The following CCDC194 variants were observed in gnomAD, a reference collection of about 807,000 sequenced individuals.
CCDC194 encodes the protein coiled-coil domain containing 194.
Under a neutral mutation model 4.9 loss-of-function variants are expected in CCDC194, and 8 were observed. That is an observed-to-expected ratio of 1.65 (90% CI 0.97 to 2.97). The LOEUF (loss-of-function observed/expected upper bound fraction) is 2.97, where lower values mean the gene tolerates loss of function less well. Among genes scored for constraint, CCDC194 ranks in the 30% most tolerant of loss-of-function variants. CCDC194 has a pLI of 0.00. For synonymous variants in CCDC194, 13 were observed against 17.0 expected (o/e 0.76, Z 0.58); for missense variants, 52 against 43.1 (o/e 1.21, Z -0.58).
chr19:17,391,211 A>G (rs1228064948), exon 3 of CCDC194: 3 of 399,440 alleles, frequency 7.5e-6, no homozygotes, highest in Non-Finnish European at 1.3e-5. Flanking sequence ...CCTCACTCAC[A>G]GGCGTTCGCG....
At position 17,391,257 on chromosome 19, in the gene CCDC194, C is replaced by A. The variant is rs2074653501; in HGVS notation, c.508G>T (p.Glu170Ter). The A allele has an allele frequency of 4.9e-6, 2 of 407,706 alleles. No homozygotes were observed. Among genetic ancestry groups the A allele is most frequent in the Non-Finnish European group, 4.3e-6 (1 of 232,450 alleles). 25.3% of individuals were successfully genotyped at this position (407,706 alleles called of 1,614,324 possible). A position where few individuals can be genotyped will look rare whatever the true frequency, so the allele number is the denominator to read the frequency against. ...TCCCGGGCCGCACAGGCTTCGCCCTCGGCCTCCGCCACGCCTGCGCGCCGC... is the reference window on the plus strand; with the variant it reads ...TCCCGGGCCGCACAGGCTTCGCCCTAGGCCTCCGCCACGCCTGCGCGCCGC... Residue 170 changes from glutamate to a stop codon, truncating the protein, a stop_gained, in exon 3 of 4, where the codon GAG (glutamate) becomes TAG (stop). Coordinates refer to ENST00000636079, the Ensembl canonical transcript of CCDC194. LOFTEE classifies it low-confidence loss of function (END_TRUNC).
intron 2 of CCDC194, 174 bp downstream of exon 2, chr19:17,391,576 G>T (rs780830398): frequency 1.8e-4 from 258 of 1,457,334 alleles, no homozygotes; most frequent in Non-Finnish European, 2.2e-4. Context: ...CATTTGCCTT[G>T]TTTTTGTGAC....
At chr19:17,391,319 G>A in exon 3 of CCDC194, 1 of 426,150 alleles carries the variant, frequency 2.3e-6, no homozygotes, top group Non-Finnish European at 4.1e-6. Context: ...CTCCGTGGCC[G>A]CCGCCTCCCA....
chr19:17,388,847 A>T (rs1475349799), downstream of CCDC194, among the ~76,000 whole-genome samples: 1 of 151,156 alleles, frequency 6.6e-6, no homozygotes, highest in East Asian at 2.0e-4. Context: ...TTTCATGTTT[A>T]ATTTTTGAGA....
chr19:17,387,657 G>C (rs2074640482), downstream of CCDC194, among the ~76,000 whole-genome samples: 1 of 152,012 alleles, frequency 6.6e-6, no homozygotes. Flanking sequence ...GGCGGAGGTT[G>C]CAGTGAGCTG....
chr19:17,393,375 A>AATTTTT (rs1465039539), intron 1 of CCDC194, among the ~76,000 whole-genome samples: 1 of 124,782 alleles, frequency 8.0e-6, no homozygotes, highest in South Asian at 2.5e-4. Flanking sequence ...GGACAGTGAG[A>AATTTTT]CTTTTTTTTT....
At chr19:17,388,513 C>T (rs999415463), downstream of CCDC194, among the ~76,000 whole-genome samples, 1 of 152,030 alleles carries the variant, frequency 6.6e-6, no homozygotes, top group African/African-American at 2.4e-5. Context: ...GATCCTCCCA[C>T]CTCAGTCTCC....
At chr19:17,388,080 G>A (rs575952710), downstream of CCDC194, among the ~76,000 whole-genome samples, 7 of 151,316 alleles carry the variant, frequency 4.6e-5, no homozygotes, top group East Asian at 1.2e-3. Context: ...TAGAGAAAGG[G>A]TTTCACCGTG....
At chr19:17,392,052 A>G (rs1304998085) in intron 1 of CCDC194, 6 of 489,480 alleles carry the variant, frequency 1.2e-5, no homozygotes, top group Admixed American at 1.2e-4. Flanking sequence ...GCCTGCCTGG[A>G]GGGAGATCTC....
chr19:17,391,899 G>C (rs1308821356), intron 1 of CCDC194, 53 bp from the exon 2 acceptor site: 2 of 1,428,140 alleles, frequency 1.4e-6, no homozygotes, highest in Non-Finnish European at 1.8e-6. Flanking sequence ...GAGGAGGAGT[G>C]ATTCGGCCTG....
chr19:17,388,193 CTTTTTTTT>C (rs71162117), downstream of CCDC194, among the ~76,000 whole-genome samples: 140 of 92,086 alleles, frequency 1.5e-3, no homozygotes, highest in Non-Finnish European at 1.6e-3. Flanking sequence ...TCTTTTTTTC[CTTTTTTTT>C]TTTTTTTTTT....
In CCDC194 at chr19:17,390,624, CTG is replaced by C; in HGVS notation, c.588_589del (p.Arg197SerfsTer?). 1 of 398,082 alleles carries C rather than the reference CTG, an allele frequency of 2.5e-6. No homozygotes were observed. Among genetic ancestry groups the C allele is most frequent in the Non-Finnish European group, 4.4e-6 (1 of 225,702 alleles). 24.7% of individuals were successfully genotyped at this position (398,082 alleles called of 1,614,324 possible). On this transcript the variant is annotated frameshift_variant, in exon 4 of 4. Coordinates refer to ENST00000636079, the Ensembl canonical transcript of CCDC194. LOFTEE classifies it low-confidence loss of function (END_TRUNC). The surrounding 1 kb of genome is among the most constrained non-coding windows in gnomAD (Gnocchi z 5.5). ...CGAGCGGGGACGCGGCCGGGGCACT[CTG>C]CGCTGTGGGCTCATCTCGGCTTCCA...
chr19:17,394,134 C>G (rs577493128), exon 1 of CCDC194: 3 of 392,530 alleles, frequency 7.6e-6, no homozygotes. Flanking sequence ...CAGGCACGCC[C>G]GGGCTCCGGC....
downstream of CCDC194, among the ~76,000 whole-genome samples, chr19:17,388,561 A>G (rs1208970884): frequency 1.3e-5 from 2 of 151,874 alleles, no homozygotes; most frequent in Non-Finnish European, 2.9e-5. Context: ...CACCATGCCC[A>G]GCTAATATTT....
chr19:17,392,450 A>G (rs980663459), intron 1 of CCDC194, among the ~76,000 whole-genome samples: 1 of 152,156 alleles, frequency 6.6e-6, no homozygotes, highest in African/African-American at 2.4e-5. Flanking sequence ...TCCAGCCTGG[A>G]CAAAAGAGCA....
intron 1 of CCDC194, among the ~76,000 whole-genome samples, chr19:17,392,667 G>T (rs558309380): frequency 1.3e-5 from 2 of 152,290 alleles, no homozygotes; most frequent in South Asian, 4.1e-4. Flanking sequence ...TCTTAACCTC[G>T]ACTGCCCCAG....
At chr19:17,388,406 T>A (rs2074643339), downstream of CCDC194, among the ~76,000 whole-genome samples, 1 of 151,420 alleles carries the variant, frequency 6.6e-6, no homozygotes, top group Admixed American at 6.6e-5. Flanking sequence ...TCTTTCTTTT[T>A]TCTTTCTTTC....
chr19:17,387,419 A>G (rs1277000187), downstream of CCDC194, among the ~76,000 whole-genome samples: 10 of 151,952 alleles, frequency 6.6e-5, no homozygotes, highest in Admixed American at 4.6e-4. Context: ...ACACACACAC[A>G]CACACACAAA....
At chr19:17,389,873 G>A (rs991207015), downstream of CCDC194, among the ~76,000 whole-genome samples, 4 of 152,226 alleles carry the variant, frequency 2.6e-5, no homozygotes, top group African/African-American at 9.6e-5. Context: ...GCTGAGGCAG[G>A]AGAATTGCTT....
Sources: allele counts gnomAD v4.1 joint callset (sites outside exome capture counted in the v4.1 genomes callset), GRCh38; gene constraint gnomAD v4.1.1; non-coding constraint Gnocchi (gnomAD v3.1); transcripts MANE v1.5; gene names NCBI Gene and HGNC (gene_info 2026-07-23, HGNC 2026-07-21).